RARB: variants seen among roughly 807,000 people sequenced by gnomAD.
RARB encodes retinoic acid receptor beta.
Under a neutral mutation model 51.9 loss-of-function variants are expected in RARB, and 17 were observed. That is an observed-to-expected ratio of 0.33 (90% CI 0.22 to 0.49). The LOEUF is 0.49. Among genes scored for constraint, RARB ranks in the 20% least tolerant of loss-of-function variants. The pLI is 0.99. For missense variants in RARB, 369 were observed against 550.8 expected (o/e 0.67, Z 3.30); for synonymous variants, 215 against 195.4 (o/e 1.10, Z -0.84).
intron 5 of RARB, among the ~76,000 whole-genome samples, chr3:25,226,097 A>T (rs755873465): frequency 6.6e-6 from 1 of 152,210 alleles, no homozygotes; most frequent in Non-Finnish European, 1.5e-5. Context: ...GTGTTACAGG[A>T]TGCATAAGGA....
chr3:25,454,548 T>C lies in RARB; in HGVS notation c.158-6645T>C, dbSNP rs569737710. Among the ~76,000 whole-genome samples, 4 of 152,318 alleles carry C rather than the reference T, an allele frequency of 2.6e-5. No individual in the cohort carries two copies. The East Asian group carries it at 7.7e-4, about 29-fold the overall frequency. The stretch of plus-strand genomic sequence containing the variant: ...GCCCAGAGAGTGCATTAAAATACTG[T>C]CTTAATCACAGAAGGTTCTAGTAAA... On this transcript the variant is annotated intron_variant, in intron 1 of 7. Coordinates refer to ENST00000330688, the MANE Select transcript of RARB (RefSeq NM_000965.5).
chr3:25,562,263 T>A (rs1700304323), intron 3 of RARB, among the ~76,000 whole-genome samples: 1 of 152,176 alleles, frequency 6.6e-6, no homozygotes, highest in Non-Finnish European at 1.5e-5. Flanking sequence ...TCAGAGGTTT[T>A]TTAAAAACAA....
At chr3:25,077,142 C>A (rs1698886583) in intron 3 of RARB, among the ~76,000 whole-genome samples, 1 of 152,146 alleles carries the variant, frequency 6.6e-6, no homozygotes, top group Non-Finnish European at 1.5e-5. Flanking sequence ...TAATGGGCTC[C>A]TCAAATAGCA....
chr3:25,462,035 C>T (rs1298998663), intron 2 of RARB, among the ~76,000 whole-genome samples: 2 of 152,178 alleles, frequency 1.3e-5, no homozygotes, highest in African/African-American at 4.8e-5. Context: ...AATCAACTTG[C>T]AGGGAATTCA....
intron 4 of RARB, among the ~76,000 whole-genome samples, chr3:25,164,890 G>A (rs1700535243): frequency 6.6e-6 from 1 of 152,080 alleles, no homozygotes; most frequent in East Asian, 1.9e-4. Flanking sequence ...TCAGCACTGT[G>A]TCATTCATGA....
chr3:25,370,951 C>T (rs1398412484), intron 5 of RARB, among the ~76,000 whole-genome samples: 1 of 152,162 alleles, frequency 6.6e-6, no homozygotes, highest in African/African-American at 2.4e-5. Flanking sequence ...GATAACTCCA[C>T]TCTCTATCTC....
chr3:25,257,479 T>C (rs1420706191), intron 5 of RARB, among the ~76,000 whole-genome samples: 2 of 152,082 alleles, frequency 1.3e-5, no homozygotes, highest in African/African-American at 4.8e-5. Flanking sequence ...TTGATCTCTG[T>C]GTCTAGGAGA....
chr3:24,913,514 A>T (rs1695044667), intron 2 of RARB, among the ~76,000 whole-genome samples: 1 of 151,632 alleles, frequency 6.6e-6, no homozygotes, highest in African/African-American at 2.4e-5. Flanking sequence ...TTCAGAGTAA[A>T]TTTGTGTGTT....
intron 5 of RARB, among the ~76,000 whole-genome samples, chr3:25,200,443 T>C (rs1701361196): frequency 6.6e-6 from 1 of 152,184 alleles, no homozygotes; most frequent in Non-Finnish European, 1.5e-5. Context: ...GCTCTTTAGT[T>C]TGATTAGATC....
intron 4 of RARB, among the ~76,000 whole-genome samples, chr3:25,173,115 T>TCTACTTA (rs1700674606): frequency 6.6e-6 from 1 of 152,190 alleles, no homozygotes; most frequent in Non-Finnish European, 1.5e-5. Flanking sequence ...TAATATTGGT[T>TCTACTTA]ATCAGGGCCA....
chr3:25,012,331 C>A (rs1290120787), intron 2 of RARB, among the ~76,000 whole-genome samples: 1 of 152,100 alleles, frequency 6.6e-6, no homozygotes, highest in Non-Finnish European at 1.5e-5. Context: ...ATCTAGCTGA[C>A]AAGCAGAATC....
intron 2 of RARB, among the ~76,000 whole-genome samples, chr3:25,052,934 A>G (rs558390866): frequency 6.6e-6 from 1 of 152,284 alleles, no homozygotes; most frequent in African/African-American, 2.4e-5. Flanking sequence ...AAAGAAGGCA[A>G]TTTGGCAGAA....
At chr3:24,952,241 C>A (rs986039962) in intron 2 of RARB, among the ~76,000 whole-genome samples, 3 of 135,434 alleles carry the variant, frequency 2.2e-5, no homozygotes, top group Non-Finnish European at 3.2e-5. Context: ...CAAAAAGTAA[C>A]ATTTGTTTTT....
intron 5 of RARB, among the ~76,000 whole-genome samples, chr3:25,293,129 G>C (rs1051649379): frequency 6.6e-6 from 1 of 152,066 alleles, no homozygotes; most frequent in Non-Finnish European, 1.5e-5. Flanking sequence ...GATCAGACAC[G>C]TTATGTAGAA....
intron 5 of RARB, among the ~76,000 whole-genome samples, chr3:25,233,345 T>C (rs1287485272): frequency 6.6e-6 from 1 of 152,178 alleles, no homozygotes; most frequent in Non-Finnish European, 1.5e-5. Flanking sequence ...GGAGCATCTG[T>C]ATAGTAAAAC....
rs189672335 is a variant in RARB at position 25,482,470 on chromosome 3, C to T, written c.307-18712C>T. Among the ~76,000 whole-genome samples, 494 of 147,970 alleles carry T rather than the reference C, an allele frequency of 3.3e-3. 3 individuals are homozygous for T. Among genetic ancestry groups the T allele is most frequent in the Non-Finnish European group, 5.5e-3 (370 of 67,524 alleles). ...ACCAGCACTGTTCAACAGAAATATGCTAACAACAAATGCAAGTTACACATG... is the reference window on the plus strand; with the variant it reads ...ACCAGCACTGTTCAACAGAAATATGTTAACAACAAATGCAAGTTACACATG... On this transcript the variant is annotated intron_variant, in intron 2 of 7. Transcript: ENST00000330688.
At chr3:25,325,557 ATTTTGTGGGGG>A (rs1380778285) in intron 5 of RARB, among the ~76,000 whole-genome samples, 1 of 144,460 alleles carries the variant, frequency 6.9e-6, no homozygotes, top group East Asian at 2.0e-4. Context: ...CAGGCACTTC[ATTTTGTGGGGG>A]TTTTTTTTTT....
At chr3:25,377,560 A>AT (rs1706502815) in intron 5 of RARB, among the ~76,000 whole-genome samples, 1 of 152,222 alleles carries the variant, frequency 6.6e-6, no homozygotes. Context: ...AAATTAAGTC[A>AT]TCTTTTACAC....
At chr3:24,861,578 C>T (rs925539535) in intron 2 of RARB, among the ~76,000 whole-genome samples, 1 of 126,250 alleles carries the variant, frequency 7.9e-6, no homozygotes, top group Non-Finnish European at 1.7e-5. Flanking sequence ...TCCTTGTTAA[C>T]AGAAATAACT....
Sources: gnomAD v4.1 joint callset for allele counts (sites outside exome capture counted in the v4.1 genomes callset) on GRCh38, gnomAD v4.1.1 for gene constraint, MANE v1.5 for transcripts, NCBI Gene and HGNC (gene_info 2026-07-23, HGNC 2026-07-21) for gene names.